PLXNA2: variants seen among roughly 807,000 people sequenced by gnomAD.
The protein encoded by PLXNA2 is plexin A2.
Under a neutral mutation model 193.5 loss-of-function variants are expected in PLXNA2, and 91 were observed. That is an observed-to-expected ratio of 0.47 (90% confidence interval 0.40 to 0.56). PLXNA2 has a LOEUF of 0.56. PLXNA2 is among the 20% of genes least tolerant of loss of function. The probability of loss-of-function intolerance (pLI) is 0.00; values close to 1 mark genes in which losing one functional copy is unlikely to be tolerated. For synonymous variants in PLXNA2, 997 were observed against 1,027.3 expected, an observed-to-expected ratio of 0.97 and a Z score of 0.56; for missense variants, 1,995 against 2,503.2, an observed-to-expected ratio of 0.80 and a Z score of 4.33.
At chr1:208,135,911 A>G (rs1384370460) in intron 4 of PLXNA2, among the ~76,000 whole-genome samples, 1 of 152,196 alleles carries the variant, frequency 6.6e-6, no homozygotes, top group Non-Finnish European at 1.5e-5. Flanking sequence ...GCCAAAGCCA[A>G]GTCACAAAAA....
chr1:208,093,216 T>C (rs1296077760), intron 8 of PLXNA2, among the ~76,000 whole-genome samples: 1 of 152,246 alleles, frequency 6.6e-6, no homozygotes, highest in South Asian at 2.1e-4. Flanking sequence ...TGGTGGTAGT[T>C]TGAAATCGGC....
At chr1:208,027,377 C>A in intron 31 of PLXNA2, 39 bp from the exon 32 acceptor site, 1 of 1,566,864 alleles carries the variant, frequency 6.4e-7, no homozygotes, top group South Asian at 1.1e-5. Context: ...CTTCAGGACT[C>A]AGAATAGAAG....
intron 3 of PLXNA2, among the ~76,000 whole-genome samples, chr1:208,149,494 G>T (rs190292290): frequency 6.6e-6 from 1 of 151,820 alleles, no homozygotes; most frequent in South Asian, 2.1e-4. Flanking sequence ...TAAGTCTGTT[G>T]TATGAGTATG....
At chr1:208,210,168 C>A (rs1400908829) in intron 3 of PLXNA2, 112 bp downstream of exon 3, 5 of 1,190,130 alleles carry the variant, frequency 4.2e-6, no homozygotes, top group Non-Finnish European at 4.9e-6. Context: ...CTTTGTTCCC[C>A]AAGAAAATAA....
At chr1:208,131,610 T>C (rs1476234566) in intron 4 of PLXNA2, among the ~76,000 whole-genome samples, 1 of 152,182 alleles carries the variant, frequency 6.6e-6, no homozygotes, top group Non-Finnish European at 1.5e-5. Flanking sequence ...TTCTTGAGTC[T>C]GAGAACCTCT....
intron 3 of PLXNA2, among the ~76,000 whole-genome samples, chr1:208,197,711 G>T (rs12090513): frequency 2.0e-3 from 311 of 152,310 alleles, no homozygotes; most frequent in African/African-American, 7.0e-3. Context: ...AGCCTAAACT[G>T]ACTCCCATTA....
intron 3 of PLXNA2, among the ~76,000 whole-genome samples, chr1:208,159,699 C>T (rs1242784444): frequency 6.6e-6 from 1 of 152,184 alleles, no homozygotes; most frequent in Non-Finnish European, 1.5e-5. Flanking sequence ...ATTCTCAGGC[C>T]CTCTAAATAA....
intron 3 of PLXNA2, among the ~76,000 whole-genome samples, chr1:208,195,485 A>AT (rs1437005087): frequency 2.6e-5 from 4 of 152,016 alleles, no homozygotes; most frequent in Non-Finnish European, 5.9e-5. Context: ...TTGCACCTCC[A>AT]TGGCCTTGGC....
At chr1:208,192,512 AT>A (rs1572016492) in intron 3 of PLXNA2, among the ~76,000 whole-genome samples, 1 of 152,320 alleles carries the variant, frequency 6.6e-6, no homozygotes, top group East Asian at 1.9e-4. Context: ...GATGAAATAG[AT>A]GAAAGTAAGA....
intron 4 of PLXNA2, among the ~76,000 whole-genome samples, chr1:208,105,936 G>C (rs1667256824): frequency 6.6e-6 from 1 of 152,202 alleles, no homozygotes; most frequent in African/African-American, 2.4e-5. Flanking sequence ...AAGGGGCCCT[G>C]AATGGGAGCA....
intron 3 of PLXNA2, among the ~76,000 whole-genome samples, chr1:208,160,231 T>C (rs1669069770): frequency 6.6e-6 from 1 of 151,956 alleles, no homozygotes; most frequent in Admixed American, 6.5e-5. Context: ...CGCCCAGAAG[T>C]AGAAAGGGTT....
intron 3 of PLXNA2, among the ~76,000 whole-genome samples, chr1:208,186,273 A>G (rs1669994226): frequency 6.6e-6 from 1 of 152,154 alleles, no homozygotes; most frequent in Admixed American, 6.5e-5. Context: ...ACATGTTGAC[A>G]CCATATTTAA....
chr1:208,043,529 G>C (rs1329223758), intron 20 of PLXNA2, among the ~76,000 whole-genome samples: 2 of 152,220 alleles, frequency 1.3e-5, no homozygotes, highest in African/African-American at 4.8e-5. Context: ...AGGCAGGTGA[G>C]AGACCATGGC....
intron 4 of PLXNA2, among the ~76,000 whole-genome samples, chr1:208,129,718 C>T (rs1483132593): frequency 1.3e-5 from 2 of 152,172 alleles, no homozygotes; most frequent in Non-Finnish European, 2.9e-5. Context: ...TGGGTGGTGC[C>T]CTCTCCTGTA....
At chr1:208,173,597 G>C (rs1464710041) in intron 3 of PLXNA2, among the ~76,000 whole-genome samples, 1 of 152,184 alleles carries the variant, frequency 6.6e-6, no homozygotes, top group African/African-American at 2.4e-5. Flanking sequence ...CCAGCAAGGG[G>C]ACAAAGGATC....
At chr1:208,114,730 T>C (rs2102438126) in intron 4 of PLXNA2, among the ~76,000 whole-genome samples, 1 of 152,362 alleles carries the variant, frequency 6.6e-6, no homozygotes, top group African/African-American at 2.4e-5. Context: ...TGACTTTTCT[T>C]GGTATGCTGA....
At position 208,026,985 on chromosome 1, in the gene PLXNA2, A is replaced by T; in HGVS notation, c.*258T>A. 1 of 394,464 alleles carries T rather than the reference A, an allele frequency of 2.5e-6. No homozygotes were observed. The highest frequency in any genetic ancestry group is 4.6e-6 in the Non-Finnish European group (1 of 215,892). 24.4% of individuals were successfully genotyped at this position (394,464 alleles called of 1,614,324 possible). On this transcript the variant is annotated 3_prime_UTR_variant, in exon 32 of 32. Transcript: ENST00000367033. Reference sequence around the variant, plus strand: ...TCCCCAGCTCGTGCCTCTCGGCTTGAAGAACCACCTTCTCCCGGCCCCGGG... The same window carrying T: ...TCCCCAGCTCGTGCCTCTCGGCTTGTAGAACCACCTTCTCCCGGCCCCGGG...
chr1:208,037,069 C>T (rs1055981723), intron 26 of PLXNA2, among the ~76,000 whole-genome samples: 5 of 152,128 alleles, frequency 3.3e-5, no homozygotes, highest in African/African-American at 1.2e-4. Context: ...ACAGAATTAA[C>T]AGGGAGTGAT....
intron 4 of PLXNA2, among the ~76,000 whole-genome samples, chr1:208,122,933 C>T (rs745941431): frequency 1.3e-5 from 2 of 152,076 alleles, no homozygotes; most frequent in Non-Finnish European, 2.9e-5. Context: ...AATTCACACA[C>T]CAAAAAATTC....
Sources: allele counts gnomAD v4.1 joint callset (sites outside exome capture counted in the v4.1 genomes callset), GRCh38; gene constraint gnomAD v4.1.1; transcripts MANE v1.5; gene names NCBI Gene and HGNC (gene_info 2026-07-23, HGNC 2026-07-21).